The following ANO2 variants were observed in gnomAD, a reference collection of about 807,000 sequenced individuals.
ANO2 encodes the protein anoctamin 2, also known as anoctamin-2.
ANO2 carries 101 observed loss-of-function variants against 124.2 expected under a neutral mutation model. The ratio of observed to expected loss-of-function variants is 0.81; its 90% CI spans 0.69 to 0.96. The LOEUF is 0.96. Among genes scored for constraint, ANO2 ranks in the 40% least tolerant of loss-of-function variants. ANO2 has a pLI of 0.00. For synonymous variants in ANO2, 486 were observed against 482.5 expected (o/e 1.01, Z -0.09); for missense variants, 1,293 against 1,274.5 (o/e 1.01, Z -0.22).
intron 14 of ANO2, among the ~76,000 whole-genome samples, chr12:5,648,383 C>T (rs1191212950): frequency 6.6e-6 from 1 of 152,154 alleles, no homozygotes; most frequent in Non-Finnish European, 1.5e-5. Flanking sequence ...TTATGTGCTC[C>T]CCCTCGTCAC....
chr12:5,577,988 G>C lies in ANO2; in HGVS notation c.2406C>G (p.Leu802=), dbSNP rs545152494. Residue 802 remains leucine (L), a synonymous_variant, in exon 22 of 25, where the codon CTC becomes CTG. Coordinates refer to ENST00000682330, the MANE Select transcript of ANO2 (RefSeq NM_001364791.2). ...TKDIGIWFDI[L]SGIGKFSVIS... is the part of the protein sequence containing the mutation. ...TAACAGAGAACTTGCCAATTCCAGAGAGAATGTCAAACCAGATTCCTACAA... is the reference window on the plus strand; with the variant it reads ...TAACAGAGAACTTGCCAATTCCAGACAGAATGTCAAACCAGATTCCTACAA... 15 of 1,613,906 alleles carry C rather than the reference G, an allele frequency of 9.3e-6. No individual in the cohort carries two copies. In the African/African-American group the frequency reaches 1.9e-4, roughly 20 times the overall value.
chr12:5,685,610 G>A (rs1948670704), intron 14 of ANO2, among the ~76,000 whole-genome samples: 1 of 152,092 alleles, frequency 6.6e-6, no homozygotes, highest in Non-Finnish European at 1.5e-5. Context: ...ATGGCGAAAT[G>A]CTGCCTCTAC....
intron 2 of ANO2, among the ~76,000 whole-genome samples, chr12:5,921,820 T>A (rs1941720287): frequency 6.6e-6 from 1 of 152,058 alleles, no homozygotes; most frequent in African/African-American, 2.4e-5. Context: ...TACACGCGTA[T>A]CTACCCGAGT....
Position 5,707,457 on chromosome 12 carries a change from T to C in ANO2, c.1545+25063A>G, listed in dbSNP as rs535246345. ...AGGTCTATATCATGTCTGTTCTTTA[T>C]AGTCATTACCACTCGGTGAGTTAGG... is the stretch of plus-strand genomic sequence containing the variant. On this transcript the variant is annotated intron_variant, in intron 14 of 24. Coordinates refer to ENST00000682330, the MANE Select transcript of ANO2 (RefSeq NM_001364791.2). Among the ~76,000 whole-genome samples, 12 of 152,356 alleles carry C rather than the reference T, an allele frequency of 7.9e-5. No homozygotes were observed. The East Asian group carries it at 2.1e-3, about 27-fold the overall frequency.
rs1555100504 is a variant in ANO2, at chr12:5,610,723, C to CATATATACATATATATATATAT, written c.2087+1932_2087+1933insATATATATATATATGTATATAT. Reference sequence around the variant, plus strand: ...ATACATGTATGTGTACACATATATACATATATATATATATATATATGAAAA... The same window carrying CATATATACATATATATATATAT: ...ATACATGTATGTGTACACATATATACATATATACATATATATATATATATATATATATATATATATATGAAAA... On this transcript the variant is annotated intron_variant, in intron 19 of 24. Transcript: ENST00000682330. Among the ~76,000 whole-genome samples, 182 of 116,862 alleles carry CATATATACATATATATATATAT rather than the reference C, an allele frequency of 1.6e-3. 5 individuals are homozygous for CATATATACATATATATATATAT. The highest frequency in any genetic ancestry group is 3.4e-3 in the African/African-American group (100 of 29,680). The allele number at this position is 116,862 out of a possible 152,430, so 76.7% of individuals were successfully genotyped here.
intron 1 of ANO2, among the ~76,000 whole-genome samples, chr12:5,928,429 A>C (rs1186722953): frequency 1.1e-4 from 9 of 80,172 alleles, no homozygotes; most frequent in African/African-American, 3.1e-4. Flanking sequence ...TTCCTTCCTC[A>C]CTAGTCTACT....
chr12:5,846,257 G>A (rs1030129065), intron 4 of ANO2, among the ~76,000 whole-genome samples: 3 of 152,128 alleles, frequency 2.0e-5, no homozygotes, highest in African/African-American at 7.2e-5. Flanking sequence ...ATAACAACGT[G>A]AGCCTCTACT....
intron 16 of ANO2, among the ~76,000 whole-genome samples, chr12:5,617,213 C>T (rs1309241940): frequency 6.6e-6 from 1 of 152,046 alleles, no homozygotes; most frequent in African/African-American, 2.4e-5. Context: ...CCCTCAAGAT[C>T]ACAATGTACC....
At chr12:5,656,227 C>A (rs920041915) in intron 14 of ANO2, among the ~76,000 whole-genome samples, 2 of 152,330 alleles carry the variant, frequency 1.3e-5, no homozygotes, top group East Asian at 3.9e-4. Flanking sequence ...TGAGGACCCT[C>A]AAATTCTTAT....
intron 3 of ANO2, among the ~76,000 whole-genome samples, chr12:5,902,608 G>A (rs576742775): frequency 5.7e-4 from 27 of 47,484 alleles, no homozygotes; most frequent in African/African-American, 1.8e-3. Flanking sequence ...GAAGGGAAGG[G>A]AATGGGAGGG....
At chr12:5,585,322 T>C (rs1943052436) in intron 20 of ANO2, among the ~76,000 whole-genome samples, 1 of 152,130 alleles carries the variant, frequency 6.6e-6, no homozygotes, top group Non-Finnish European at 1.5e-5. Flanking sequence ...GTTTACACAA[T>C]GGATCGGGCC....
intron 14 of ANO2, among the ~76,000 whole-genome samples, chr12:5,654,769 C>T (rs1174491825): frequency 6.6e-6 from 1 of 152,196 alleles, no homozygotes; most frequent in African/African-American, 2.4e-5. Context: ...TCTTCCACTA[C>T]TCTTAGTCTC....
At position 5,903,647 on chromosome 12, in the gene ANO2, A is replaced by ATGTGTGTGTGTGTGTGTG. The variant is rs143239619; in HGVS notation, c.534+17375_534+17392dup. On this transcript the variant is annotated intron_variant, in intron 3 of 24. Transcript: ENST00000682330. ...AGTAAGACAGCTAGGATGTGCAAAG[A>ATGTGTGTGTGTGTGTGTG]TGTGTGTGTGTGTGTGTGTGTGTGT... Among the ~76,000 whole-genome samples the ATGTGTGTGTGTGTGTGTG allele has an allele frequency of 4.7e-5, 7 of 148,452 alleles. 1 individual carries two copies. The highest frequency in any genetic ancestry group is 1.8e-4 in the African/African-American group (7 of 39,940).
intron 5 of ANO2, among the ~76,000 whole-genome samples, chr12:5,831,695 T>C (rs1255283694): frequency 6.6e-6 from 1 of 152,052 alleles, no homozygotes; most frequent in African/African-American, 2.4e-5. Flanking sequence ...TAGGAGATGG[T>C]CTCTTATGGA....
chr12:5,697,595 C>A (rs2137022988), intron 14 of ANO2, among the ~76,000 whole-genome samples: 1 of 152,322 alleles, frequency 6.6e-6, no homozygotes, highest in African/African-American at 2.4e-5. Flanking sequence ...TGGGGCTTGT[C>A]AGACAGTGGG....
intron 20 of ANO2, among the ~76,000 whole-genome samples, chr12:5,598,647 C>T (rs111699582): frequency 1.1e-4 from 17 of 152,324 alleles, no homozygotes; most frequent in East Asian, 7.7e-4. Context: ...TGAGCCACTG[C>T]GCTCGTCTTA....
At chr12:5,907,114 G>A (rs990728139) in intron 3 of ANO2, among the ~76,000 whole-genome samples, 3 of 152,196 alleles carry the variant, frequency 2.0e-5, no homozygotes, top group Non-Finnish European at 4.4e-5. Flanking sequence ...TCTCAACAAA[G>A]AGTAAGCAGG....
intron 12 of ANO2, among the ~76,000 whole-genome samples, chr12:5,742,395 C>A (rs1236220414): frequency 6.6e-6 from 1 of 151,874 alleles, no homozygotes; most frequent in Non-Finnish European, 1.5e-5. Context: ...CAAATCCTAC[C>A]CTATGCCAGG....
intron 1 of ANO2, among the ~76,000 whole-genome samples, chr12:5,924,511 A>G (rs1046026275): frequency 3.9e-5 from 6 of 152,224 alleles, no homozygotes; most frequent in Non-Finnish European, 8.8e-5. Flanking sequence ...GAGACAGCAC[A>G]GAAGGGCAGG....
Sources: allele counts gnomAD v4.1 joint callset (sites outside exome capture counted in the v4.1 genomes callset), GRCh38; gene constraint gnomAD v4.1.1; transcripts MANE v1.5; gene names NCBI Gene and HGNC (gene_info 2026-07-23, HGNC 2026-07-21).